Variants in COL26A1 observed in about 807,000 individuals in gnomAD.
COL26A1 encodes the protein collagen type XXVI alpha 1 chain, also known as collagen alpha-1(XXVI) chain.
Under a neutral mutation model 59.3 loss-of-function variants are expected in COL26A1, and 41 were observed. The observed-to-expected ratio is 0.69, with a 90% confidence interval of 0.54 to 0.90. COL26A1 has a LOEUF of 0.90. COL26A1 is among the 40% of genes least tolerant of loss of function. The pLI is 0.00. For missense variants in COL26A1, 612 were observed against 602.3 expected (o/e 1.02, Z -0.17); for synonymous variants, 266 against 256.0 (o/e 1.04, Z -0.37).
intron 1 of COL26A1, among the ~76,000 whole-genome samples, chr7:101,390,922 C>T (rs1200775534): frequency 6.6e-6 from 1 of 152,166 alleles, no homozygotes; most frequent in Non-Finnish European, 1.5e-5. Context: ...CCTCAGAATT[C>T]TTTGCTCCTC....
At chr7:101,409,231 C>G (rs1792191731) in intron 1 of COL26A1, among the ~76,000 whole-genome samples, 1 of 152,110 alleles carries the variant, frequency 6.6e-6, no homozygotes, top group Non-Finnish European at 1.5e-5. Context: ...AGGGATAGTT[C>G]CTCCTCCTTG....
At chr7:101,477,107 G>A (rs1390574197) in intron 3 of COL26A1, among the ~76,000 whole-genome samples, 1 of 152,098 alleles carries the variant, frequency 6.6e-6, no homozygotes, top group Non-Finnish European at 1.5e-5. Flanking sequence ...GCCTCCCAAA[G>A]TTCTGGGATT....
intron 3 of COL26A1, among the ~76,000 whole-genome samples, chr7:101,504,441 G>A (rs1049663579): frequency 1.3e-4 from 20 of 152,106 alleles, no homozygotes; most frequent in Admixed American, 1.1e-3. Flanking sequence ...CCCCTCTCAT[G>A]TTGGGATTAG....
chr7:101,414,424 C>T (rs556325887), intron 1 of COL26A1, among the ~76,000 whole-genome samples: 2 of 140,118 alleles, frequency 1.4e-5, no homozygotes, highest in East Asian at 4.0e-4. Flanking sequence ...CTCGCTCTCA[C>T]TCTGTGTTTG....
At chr7:101,490,417 G>C (rs1046305768) in intron 3 of COL26A1, among the ~76,000 whole-genome samples, 1 of 151,348 alleles carries the variant, frequency 6.6e-6, no homozygotes, top group South Asian at 2.1e-4. Context: ...AAGCAGAGAG[G>C]CAGGCCAGGC....
chr7:101,497,295 G>A (rs1261706442), intron 3 of COL26A1, among the ~76,000 whole-genome samples: 1 of 152,142 alleles, frequency 6.6e-6, no homozygotes, highest in Non-Finnish European at 1.5e-5. Flanking sequence ...GGGAGCGGGA[G>A]GCTCCTCCTG....
intron 3 of COL26A1, among the ~76,000 whole-genome samples, chr7:101,453,396 T>G (rs1793390885): frequency 6.6e-6 from 1 of 152,122 alleles, no homozygotes; most frequent in Non-Finnish European, 1.5e-5. Flanking sequence ...ATGAGACCAC[T>G]CGTATATGCA....
chr7:101,527,923 C>T (rs1285701586), intron 3 of COL26A1, among the ~76,000 whole-genome samples: 1 of 152,124 alleles, frequency 6.6e-6, no homozygotes, highest in African/African-American at 2.4e-5. Context: ...GCAGGATCAG[C>T]ACCCCCATCA....
chr7:101,519,157 T>C (rs771943729), intron 3 of COL26A1, among the ~76,000 whole-genome samples: 1 of 152,148 alleles, frequency 6.6e-6, no homozygotes, highest in Non-Finnish European at 1.5e-5. Flanking sequence ...GTCTGGCAGG[T>C]GACACAGGTA....
At chr7:101,489,660 T>TCTTTCTTCCTTC (rs1491503013) in intron 3 of COL26A1, among the ~76,000 whole-genome samples, 7 of 48,630 alleles carry the variant, frequency 1.4e-4, no homozygotes, top group South Asian at 6.7e-4. Context: ...TTTCTTTCTT[T>TCTTTCTTCCTTC]CTTCCTTCCT....
intron 1 of COL26A1, among the ~76,000 whole-genome samples, chr7:101,414,894 A>G (rs1171976116): frequency 6.6e-6 from 1 of 152,194 alleles, no homozygotes; most frequent in African/African-American, 2.4e-5. Context: ...GGTAGGTGGG[A>G]TCCCGCCAGT....
At chr7:101,539,114 C>T (rs1795547688) in intron 4 of COL26A1, among the ~76,000 whole-genome samples, 1 of 152,214 alleles carries the variant, frequency 6.6e-6, no homozygotes, top group Admixed American at 6.5e-5. Context: ...TGACTCCTGC[C>T]TCCCTCAAGG....
At chr7:101,517,270 G>T (rs1468358362) in intron 3 of COL26A1, among the ~76,000 whole-genome samples, 1 of 152,148 alleles carries the variant, frequency 6.6e-6, no homozygotes, top group African/African-American at 2.4e-5. Context: ...TCCTCCGTTG[G>T]GTGTCTAGGA....
At position 101,446,119 on chromosome 7, in the gene COL26A1, G is replaced by A. The variant is rs144188793; in HGVS notation, c.282-1565G>A. 2.7e-3 allele frequency among the ~76,000 whole-genome samples: 398 copies of A among 148,380 alleles called. 1 individual carries two copies. Among genetic ancestry groups the A allele is most frequent in the African/African-American group, 9.4e-3 (381 of 40,640 alleles). On this transcript the variant is annotated intron_variant, in intron 2 of 12. Coordinates refer to ENST00000313669, the MANE Select transcript of COL26A1 (RefSeq NM_001278563.3). Reference sequence around the variant, plus strand: ...ACCATTTTAAATAACCAGATGTCACGTGAACTGAGAGCCAGAACCCACTTA... The same window carrying A: ...ACCATTTTAAATAACCAGATGTCACATGAACTGAGAGCCAGAACCCACTTA...
chr7:101,375,175 C>A (rs958384596), intron 1 of COL26A1, among the ~76,000 whole-genome samples: 5 of 152,168 alleles, frequency 3.3e-5, no homozygotes, highest in African/African-American at 1.2e-4. Context: ...ACTAAGTTGC[C>A]TGCCCTCTCT....
intron 2 of COL26A1, among the ~76,000 whole-genome samples, chr7:101,441,011 A>G (rs1793045655): frequency 6.6e-6 from 1 of 151,932 alleles, no homozygotes; most frequent in Non-Finnish European, 1.5e-5. Flanking sequence ...AAAAGAAAAA[A>G]GAAAAGAGCA....
At chr7:101,489,820 T>C (rs868817323) in intron 3 of COL26A1, among the ~76,000 whole-genome samples, 223 of 6,642 alleles carry the variant, frequency 0.034, 70 homozygotes, top group African/African-American at 0.21. Flanking sequence ...CTTTCTTTCT[T>C]TCTTTCTTTC....
chr7:101,499,134 C>T (rs1028122417), intron 3 of COL26A1, among the ~76,000 whole-genome samples: 23 of 152,174 alleles, frequency 1.5e-4, no homozygotes, highest in Admixed American at 8.5e-4. Flanking sequence ...GGTGCCTTGG[C>T]TGGAGTTCGC....
intron 3 of COL26A1, among the ~76,000 whole-genome samples, chr7:101,460,511 G>A (rs1053767352): frequency 2.6e-5 from 4 of 151,990 alleles, no homozygotes; most frequent in Non-Finnish European, 5.9e-5. Context: ...GGCCAGGCGC[G>A]GTGGCTCACA....
Sources: gnomAD v4.1 joint callset for allele counts (sites outside exome capture counted in the v4.1 genomes callset) on GRCh38, gnomAD v4.1.1 for gene constraint, MANE v1.5 for transcripts, NCBI Gene and HGNC (gene_info 2026-07-23, HGNC 2026-07-21) for gene names.